Variants in RBFOX1 observed in about 807,000 individuals in gnomAD.
RBFOX1 encodes RNA binding fox-1 homolog 1.
Under a neutral mutation model 57.7 loss-of-function variants are expected in RBFOX1, and 8 were observed. The observed-to-expected ratio is 0.14, with a 90% CI of 0.08 to 0.25. The LOEUF (loss-of-function observed/expected upper bound fraction) is 0.25, where lower values mean the gene tolerates loss of function less well. Ranked by LOEUF, RBFOX1 falls within the 10% of genes least tolerant of loss-of-function variation. The pLI is 1.00. For missense variants in RBFOX1, 611 were observed against 548.5 expected (o/e 1.11, Z -1.14); for synonymous variants, 326 against 222.4 (o/e 1.47, Z -4.15).
intron 4 of RBFOX1, among the ~76,000 whole-genome samples, chr16:7,128,386 G>C (rs1416025540): frequency 6.6e-6 from 1 of 152,156 alleles, no homozygotes; most frequent in Non-Finnish European, 1.5e-5. Flanking sequence ...CTAGTCCAAA[G>C]CCTAGTGGCT....
At chr16:7,307,999 C>G (rs1234762042) in intron 4 of RBFOX1, among the ~76,000 whole-genome samples, 1 of 152,284 alleles carries the variant, frequency 6.6e-6, no homozygotes, top group South Asian at 2.1e-4. Context: ...ACTCATGGAA[C>G]CATTCTTGCT....
At chr16:5,487,831 G>C (rs2042681127) in intron 2 of RBFOX1, among the ~76,000 whole-genome samples, 1 of 152,136 alleles carries the variant, frequency 6.6e-6, no homozygotes. Context: ...TGATGATGAT[G>C]AAGTTGGTGG....
intron 1 of RBFOX1, among the ~76,000 whole-genome samples, chr16:5,278,150 G>T (rs1194417450): frequency 6.6e-6 from 1 of 152,106 alleles, no homozygotes; most frequent in East Asian, 1.9e-4. Flanking sequence ...CTTTTGTTCA[G>T]ATACTTGCCA....
At chr16:6,143,191 C>G (rs2096732121) in intron 1 of RBFOX1, among the ~76,000 whole-genome samples, 1 of 152,164 alleles carries the variant, frequency 6.6e-6, no homozygotes, top group African/African-American at 2.4e-5. Flanking sequence ...TCAGGAATAA[C>G]TTGTAAGAGA....
At chr16:6,457,143 G>A (rs1416632226) in intron 2 of RBFOX1, among the ~76,000 whole-genome samples, 1 of 152,136 alleles carries the variant, frequency 6.6e-6, no homozygotes, top group Non-Finnish European at 1.5e-5. Flanking sequence ...AATCCAAGAC[G>A]TCTTTGGACC....
intron 2 of RBFOX1, among the ~76,000 whole-genome samples, chr16:6,612,849 C>CA (rs539098192): frequency 6.1e-4 from 63 of 103,070 alleles, no homozygotes; most frequent in African/African-American, 2.0e-3. Flanking sequence ...GACTCTCTCT[C>CA]AAAAAAAAAA....
intron 3 of RBFOX1, among the ~76,000 whole-genome samples, chr16:6,937,246 T>C (rs2077526923): frequency 6.6e-6 from 1 of 152,160 alleles, no homozygotes; most frequent in African/African-American, 2.4e-5. Context: ...GGTACTCAGA[T>C]ACCCAGATTC....
At chr16:7,187,889 T>C (rs943180601) in intron 4 of RBFOX1, among the ~76,000 whole-genome samples, 14 of 152,144 alleles carry the variant, frequency 9.2e-5, no homozygotes, top group African/African-American at 3.4e-4. Flanking sequence ...ATGTTCACCA[T>C]GTATTGTCAA....
downstream of RBFOX1, among the ~76,000 whole-genome samples, chr16:5,601,849 G>T (rs2047375547): frequency 6.6e-6 from 1 of 152,196 alleles, no homozygotes; most frequent in Non-Finnish European, 1.5e-5. Context: ...CATTTCCCCA[G>T]TGCTTAGAAT....
intron 4 of RBFOX1, among the ~76,000 whole-genome samples, chr16:7,269,386 C>A (rs13338877): frequency 0.26 from 39,025 of 152,014 alleles, 5,315 homozygotes; most frequent in South Asian, 0.3. Context: ...CTCATCACCC[C>A]CAAATAATCA....
chr16:7,329,371 T>A (rs1474951231), intron 4 of RBFOX1, among the ~76,000 whole-genome samples: 2 of 152,114 alleles, frequency 1.3e-5, no homozygotes, highest in Admixed American at 1.3e-4. Flanking sequence ...ACATAATAGA[T>A]GTTGAGTAGC....
At chr16:5,909,888 A>G (rs971193720) in intron 4 of RBFOX1, among the ~76,000 whole-genome samples, 2 of 152,052 alleles carry the variant, frequency 1.3e-5, no homozygotes, top group African/African-American at 4.8e-5. Flanking sequence ...CCCCGTCTCC[A>G]CTAAAAATAC....
At chr16:6,942,190 G>C (rs1302187662) in intron 3 of RBFOX1, among the ~76,000 whole-genome samples, 1 of 152,164 alleles carries the variant, frequency 6.6e-6, no homozygotes, top group Non-Finnish European at 1.5e-5. Flanking sequence ...AGTGAGCCAA[G>C]ATGGCACCAC....
intron 3 of RBFOX1, among the ~76,000 whole-genome samples, chr16:5,754,524 GGA>G (rs1411644451): frequency 7.3e-6 from 1 of 137,738 alleles, no homozygotes; most frequent in Non-Finnish European, 1.5e-5. Context: ...TTCAGCATAT[GGA>G]GGATCCCGCC....
At chr16:6,853,083 A>G (rs2094156261) in intron 3 of RBFOX1, among the ~76,000 whole-genome samples, 1 of 152,098 alleles carries the variant, frequency 6.6e-6, no homozygotes, top group Non-Finnish European at 1.5e-5. Context: ...TACCCTTCAC[A>G]CAGTTCTATC....
intron 4 of RBFOX1, among the ~76,000 whole-genome samples, chr16:7,231,048 C>G (rs112404215): frequency 0.027 from 4,131 of 152,208 alleles, 85 homozygotes; most frequent in Middle Eastern, 0.061. Context: ...CATCAGGGAT[C>G]TTTCCATTAA....
intron 4 of RBFOX1, among the ~76,000 whole-genome samples, chr16:7,355,862 C>T (rs996185952): frequency 1.3e-5 from 2 of 152,354 alleles, no homozygotes; most frequent in South Asian, 2.1e-4. Flanking sequence ...ATTTGCAGCT[C>T]CCTCCACCTG....
chr16:7,637,205 C>T lies in RBFOX1; in HGVS notation c.757+6522C>T, dbSNP rs148373224. 1.1e-4 allele frequency among the ~76,000 whole-genome samples: 17 copies of T among 151,698 alleles called. No homozygotes were observed. The East Asian group carries it at 3.3e-3, about 30-fold the overall frequency. On this transcript the variant is annotated intron_variant, in intron 11 of 15. Transcript: ENST00000550418. ...ACAGTAGATCCCCATCAGGATAAAT[C>T]CTAAAGTTAATAGAAGATTAATTAT... is the stretch of plus-strand genomic sequence containing the variant.
At chr16:6,946,127 CT>C (rs1720809915) in intron 3 of RBFOX1, among the ~76,000 whole-genome samples, 1 of 152,184 alleles carries the variant, frequency 6.6e-6, no homozygotes, top group Non-Finnish European at 1.5e-5. Context: ...CCCAGTTTTC[CT>C]TGCTTCTCAA....
Sources: gnomAD v4.1 joint callset for allele counts (sites outside exome capture counted in the v4.1 genomes callset) on GRCh38, gnomAD v4.1.1 for gene constraint, MANE v1.5 for transcripts, NCBI Gene and HGNC (gene_info 2026-07-23, HGNC 2026-07-21) for gene names.